INPP5A: variants seen among roughly 807,000 people sequenced by gnomAD.
The protein encoded by INPP5A is 43 kDa inositol polyphosphate 5-phophatase.
Under a neutral mutation model 65.2 loss-of-function variants are expected in INPP5A, and 14 were observed. The ratio of observed to expected loss-of-function variants is 0.21; its 90% CI spans 0.14 to 0.34. INPP5A has a LOEUF of 0.34. INPP5A is among the 10% of genes least tolerant of loss of function. INPP5A has a pLI of 1.00. For missense variants in INPP5A, 431 were observed against 545.6 expected (o/e 0.79, Z 2.09); for synonymous variants, 207 against 208.3 (o/e 0.99, Z 0.05).
Position 132,708,607 on chromosome 10 carries a change from G to A in INPP5A, c.527+242G>A, listed in dbSNP as rs867996404. ...CCAGTGCCAATGGAGACACAGTGAC[G>A]GCCCCAGTCCCTCCCCGCAGCTGGA... On this transcript the variant is annotated intron_variant, in intron 7 of 15. Transcript: ENST00000368594. The A allele has an allele frequency of 1.2e-4, 73 of 626,188 alleles. 2 individuals carry two copies. The highest frequency in any genetic ancestry group is 3.4e-4 in the South Asian group (21 of 62,684). The allele number at this position is 626,188 out of a possible 1,614,324, so 38.8% of individuals were successfully genotyped here. A position where few individuals can be genotyped will look rare whatever the true frequency, so the allele number is the denominator to read the frequency against.
intron 1 of INPP5A, among the ~76,000 whole-genome samples, chr10:132,605,148 C>G (rs528509476): frequency 7.1e-6 from 1 of 140,812 alleles, no homozygotes; most frequent in African/African-American, 2.7e-5. Flanking sequence ...AGAAGTGGAT[C>G]CCCCAGGAGG....
At chr10:132,679,196 A>T (rs1172517093) in intron 4 of INPP5A, among the ~76,000 whole-genome samples, 1 of 152,168 alleles carries the variant, frequency 6.6e-6, no homozygotes, top group Non-Finnish European at 1.5e-5. Context: ...AAGGCTAGAG[A>T]TGGACAGGGT....
At chr10:132,568,593 A>C (rs1329534955) in intron 1 of INPP5A, among the ~76,000 whole-genome samples, 1 of 150,716 alleles carries the variant, frequency 6.6e-6, no homozygotes, top group African/African-American at 2.4e-5. Context: ...TACTAAAAAT[A>C]CAAAAAAAAA....
At chr10:132,679,344 G>A (rs1317806771) in intron 4 of INPP5A, among the ~76,000 whole-genome samples, 1 of 152,124 alleles carries the variant, frequency 6.6e-6, no homozygotes, top group Non-Finnish European at 1.5e-5. Flanking sequence ...CTCCAGTCCT[G>A]AAAGGTCGGA....
At chr10:132,667,841 G>A (rs2072828008) in intron 4 of INPP5A, among the ~76,000 whole-genome samples, 1 of 152,182 alleles carries the variant, frequency 6.6e-6, no homozygotes, top group Non-Finnish European at 1.5e-5. Flanking sequence ...GCGGCATGCG[G>A]GGACATGAAT....
intron 1 of INPP5A, among the ~76,000 whole-genome samples, chr10:132,552,102 T>A (rs2071059428): frequency 6.6e-6 from 1 of 151,562 alleles, no homozygotes; most frequent in Non-Finnish European, 1.5e-5. Flanking sequence ...GAAGTTGGAG[T>A]GGGATAGGGA....
chr10:132,556,423 G>A (rs2071126839), intron 1 of INPP5A, among the ~76,000 whole-genome samples: 1 of 152,212 alleles, frequency 6.6e-6, no homozygotes, highest in Non-Finnish European at 1.5e-5. Flanking sequence ...TGGGGCTGGT[G>A]GAAGCTGCTC....
rs1163997988 is a variant in INPP5A at position 132,627,343 on chromosome 10, G to A, written c.118-18525G>A. ...TCCCAGGAGGCTTCACGGGGAGACC[G>A]GGGCCGGGAGCTGCTGCTGGCTCCA... On this transcript the variant is annotated intron_variant, in intron 2 of 15. Transcript: ENST00000368594. This position sits in a 1 kb window ranked among gnomAD's most constrained non-coding sequence, Gnocchi z 6.6. 2.0e-5 allele frequency among the ~76,000 whole-genome samples: 3 copies of A among 152,188 alleles called. No homozygotes were observed. The highest frequency in any genetic ancestry group is 1.9e-4 in the East Asian group (1 of 5,188).
chr10:132,588,046 C>T (rs2071570135), intron 1 of INPP5A, among the ~76,000 whole-genome samples: 1 of 148,314 alleles, frequency 6.7e-6, no homozygotes, highest in Non-Finnish European at 1.5e-5. Context: ...ATTTGATCCT[C>T]TCTAATGATA....
chr10:132,653,941 A>G (rs1219796189), intron 4 of INPP5A, among the ~76,000 whole-genome samples: 1 of 152,214 alleles, frequency 6.6e-6, no homozygotes, highest in Non-Finnish European at 1.5e-5. Flanking sequence ...AAAGTGCCCG[A>G]CAGTGACGTG....
rs1032355789 is a variant in INPP5A, at chr10:132,651,850, C to T, written c.306+1345C>T. ...ACCAGTAGTGGAGTCTGTACAATCC[C>T]GGGAATCCCCCGTTCGGTCTCCGAC... On this transcript the variant is annotated intron_variant, in intron 4 of 15. Coordinates refer to ENST00000368594, the MANE Select transcript of INPP5A (RefSeq NM_005539.5). The surrounding 1 kb of genome is among the most constrained non-coding windows in gnomAD (Gnocchi z 5.0). Among the ~76,000 whole-genome samples the T allele has an allele frequency of 1.3e-5, 2 of 152,218 alleles. No individual in the cohort carries two copies. The highest frequency in any genetic ancestry group is 3.8e-4 in the East Asian group (2 of 5,196).
intron 11 of INPP5A, among the ~76,000 whole-genome samples, chr10:132,751,388 G>T (rs1036810360): frequency 2.6e-5 from 4 of 152,202 alleles, no homozygotes; most frequent in African/African-American, 9.7e-5. Flanking sequence ...AGGCAGGCTG[G>T]GTTTCCTCCT....
intron 2 of INPP5A, among the ~76,000 whole-genome samples, 162 bp from the exon 3 acceptor site, chr10:132,645,706 T>C (rs1371524669): frequency 6.6e-6 from 1 of 152,198 alleles, no homozygotes; most frequent in Non-Finnish European, 1.5e-5. Flanking sequence ...AAAGGCGACG[T>C]GACTCCTAGA....
At position 132,628,463 on chromosome 10, in the gene INPP5A, C is replaced by CGGGGGGGGGGGGGGGGG. The variant is rs55668291; in HGVS notation, c.118-17390_118-17389insGGGGGGGGGGGGGGGGG. Among the ~76,000 whole-genome samples the CGGGGGGGGGGGGGGGGG allele has an allele frequency of 2.0e-3, 46 of 23,298 alleles. 1 individual carries two copies. Among genetic ancestry groups the CGGGGGGGGGGGGGGGGG allele is most frequent in the East Asian group, 5.2e-3 (4 of 764 alleles). 15.3% of individuals were successfully genotyped at this position (23,298 alleles called of 152,430 possible). ...TCTCCCTCCAGATGTGCTCTGGTGGCGGGGGGGGGGGGGGGCGTGGCGTGG... is the reference window on the plus strand; with the variant it reads ...TCTCCCTCCAGATGTGCTCTGGTGGCGGGGGGGGGGGGGGGGGGGGGGGGGGGGGGGGCGTGGCGTGG... On this transcript the variant is annotated intron_variant, in intron 2 of 15. Transcript: ENST00000368594.
At chr10:132,746,449 A>C (rs547409892) in intron 9 of INPP5A, among the ~76,000 whole-genome samples, 1 of 152,320 alleles carries the variant, frequency 6.6e-6, no homozygotes, top group Admixed American at 6.5e-5. Context: ...TCTGCCTGCC[A>C]TGCAGCTCCG....
rs1021711879 is a variant in INPP5A, at chr10:132,677,069, T to C, written c.307-13323T>C. 1.3e-5 allele frequency among the ~76,000 whole-genome samples: 2 copies of C among 151,776 alleles called. 1 individual carries two copies. Among genetic ancestry groups the C allele is most frequent in the Non-Finnish European group, 2.9e-5 (2 of 67,890 alleles). ...CATCACCCAGGCACCTGTCCTGAAC[T>C]GTAGACCCACAGGTATTCACATGGT... On this transcript the variant is annotated intron_variant, in intron 4 of 15. Coordinates refer to ENST00000368594, the MANE Select transcript of INPP5A (RefSeq NM_005539.5).
chr10:132,545,659 T>TC lies in INPP5A; in HGVS notation c.75+7493dup, dbSNP rs757952923. On this transcript the variant is annotated intron_variant, in intron 1 of 15. Coordinates refer to ENST00000368594, the MANE Select transcript of INPP5A (RefSeq NM_005539.5). This position sits in a 1 kb window ranked among gnomAD's most constrained non-coding sequence, Gnocchi z 4.6. ...TGCGGACCTGAAAGTGCTGTCAAGT[T>TC]CCCCCTTCCTTTGCTCGGTTTCATT... is the stretch of plus-strand genomic sequence containing the variant. 2.6e-5 allele frequency among the ~76,000 whole-genome samples: 4 copies of TC among 152,182 alleles called. No individual in the cohort carries two copies. The highest frequency in any genetic ancestry group is 5.9e-5 in the Non-Finnish European group (4 of 68,038).
intron 11 of INPP5A, among the ~76,000 whole-genome samples, chr10:132,764,832 T>C (rs1846809256): frequency 7.5e-6 from 1 of 132,556 alleles, no homozygotes; most frequent in African/African-American, 3.0e-5. Flanking sequence ...GTGTGTGTGG[T>C]GACACTCAGA....
chr10:132,650,116 G>A lies in INPP5A; in HGVS notation c.219-302G>A, dbSNP rs1195270358. On this transcript the variant is annotated intron_variant, in intron 3 of 15. Coordinates refer to ENST00000368594, the MANE Select transcript of INPP5A (RefSeq NM_005539.5). This position sits in a 1 kb window ranked among gnomAD's most constrained non-coding sequence, Gnocchi z 5.5. ...CCAGAGCTTGGAGTTGCGCTTCCCT[G>A]GCATGAGACCTTGGGTGAGTTCTCA... Among the ~76,000 whole-genome samples, 22 of 152,170 alleles carry A rather than the reference G, an allele frequency of 1.4e-4. No homozygotes were observed.
Sources: allele counts gnomAD v4.1 joint callset (sites outside exome capture counted in the v4.1 genomes callset), GRCh38; gene constraint gnomAD v4.1.1; non-coding constraint Gnocchi (gnomAD v3.1); transcripts MANE v1.5; gene names NCBI Gene and HGNC (gene_info 2026-07-23, HGNC 2026-07-21).